The following ABCG5 variants were observed in gnomAD, a reference collection of about 807,000 sequenced individuals.
ABCG5 encodes the protein ATP-binding cassette sub-family G member 5.
ABCG5 carries 64 observed loss-of-function variants against 64.5 expected under a neutral mutation model. The ratio of observed to expected loss-of-function variants is 0.99; its 90% confidence interval spans 0.81 to 1.22. ABCG5 has a LOEUF of 1.22. Ranked by LOEUF, ABCG5 falls within the 50% of genes most tolerant of loss-of-function variation. ABCG5 has a pLI of 0.00. For synonymous variants in ABCG5, 385 were observed against 326.3 expected, an observed-to-expected ratio of 1.18 and a Z score of -1.94; for missense variants, 908 against 829.5, an observed-to-expected ratio of 1.09 and a Z score of -1.16.
chr2:43,837,410 T>C (rs1347004038), intron 2 of ABCG5, among the ~76,000 whole-genome samples: 2 of 152,192 alleles, frequency 1.3e-5, no homozygotes, highest in African/African-American at 4.8e-5. Flanking sequence ...CATAAGCCAC[T>C]GTGACCAGCC....
rs535520826 is a variant in ABCG5, at chr2:43,831,977, C to T, written c.372G>A (p.Gln124=). The T allele has an allele frequency of 6.4e-7, 1 of 1,552,286 alleles. No homozygotes were observed. The highest frequency in any genetic ancestry group is 2.4e-5 in the East Asian group (1 of 41,248). ...GGACGTAGGAGAAGCAGTCCTGGAA[C>T]TGCTCCCGGCGCAGCGCCCGGCCGT... The part of the protein sequence containing the change: ...YVNGRALRRE[Q]FQDCFSYVLQ... The change falls in exon 3 of 13, where the codon CAG becomes CAA. Residue 124 remains glutamine, a synonymous_variant. Coordinates refer to ENST00000405322, the MANE Select transcript of ABCG5 (RefSeq NM_022436.3).
At chr2:43,832,352 C>A (rs1320990961) in intron 2 of ABCG5, 4 of 576,128 alleles carry the variant, frequency 6.9e-6, no homozygotes, top group Non-Finnish European at 1.2e-5. Context: ...CAAGACCGAA[C>A]GTGCTTTCTC....
chr2:43,835,752 G>T (rs1305496977), intron 2 of ABCG5, among the ~76,000 whole-genome samples: 2 of 152,122 alleles, frequency 1.3e-5, no homozygotes, highest in Non-Finnish European at 2.9e-5. Flanking sequence ...GCCATGCAAG[G>T]TTAGGGTGAG....
chr2:43,831,686 G>T (rs747633865), intron 4 of ABCG5, 83 bp downstream of exon 4: 142 of 1,350,514 alleles, frequency 1.1e-4, no homozygotes, highest in Admixed American at 1.6e-4. Context: ...GGAAGGAATG[G>T]GCAAGCGTAG....
chr2:43,831,915 G>C (rs758463895), intron 3 of ABCG5, 32 bp downstream of exon 3: 22 of 1,543,288 alleles, frequency 1.4e-5, no homozygotes, highest in South Asian at 3.6e-5. Flanking sequence ...CGGGGCGGGC[G>C]GGGGGGCCAG....
Position 43,818,828 on chromosome 2 carries a change from G to A in ABCG5, c.1649+1087C>T, listed in dbSNP as rs149922170. 4.1e-3 allele frequency among the ~76,000 whole-genome samples: 631 copies of A among 152,116 alleles called. 5 individuals are homozygous for A. The highest frequency in any genetic ancestry group is 0.015 in the African/African-American group (609 of 41,504). ...ATGTGTTTTCATATTGATTATTTCC[G>A]TTCCTTCTCATGATCCCTTGAGGCA... On this transcript the variant is annotated intron_variant, in intron 11 of 12. Transcript: ENST00000405322.
rs57240390 is a variant in ABCG5 at position 43,822,479 on chromosome 2, C to CG, written c.1463+317_1463+318insC. On this transcript the variant is annotated intron_variant, in intron 10 of 12. Transcript: ENST00000405322. ...AGGCTGCTTTCTCCCCTCCCCCAGG[C>CG]CCCCCCCCATGCACCTGGGTCCTAG... 0.14 allele frequency: 94,978 copies of CG among 668,520 alleles called. 14,070 individuals carry two copies. The highest frequency in any genetic ancestry group is 0.43 in the African/African-American group (19,009 of 43,778). 41.4% of individuals were successfully genotyped at this position (668,520 alleles called of 1,614,324 possible).
Position 43,824,050 on chromosome 2 carries a change from A to T in ABCG5, c.1187T>A (p.Met396Lys). The T allele has an allele frequency of 6.2e-7, 1 of 1,614,214 alleles. No homozygotes were observed. The highest frequency in any genetic ancestry group is 8.5e-7 in the Non-Finnish European group (1 of 1,180,030). ...VITRLLQNLIMGLFLLFFVLR... is the reference protein window; with the variant it reads ...VITRLLQNLIKGLFLLFFVLR... ...AACGAAGAAAAGGAGGAACAAACCC[A>T]TGATCAGATTCTGAAGGAGACGCGT... The change falls in exon 9 of 13, where the codon ATG (methionine) becomes AAG (lysine). Residue 396 changes from methionine (M) to lysine (K), a missense_variant. Coordinates refer to ENST00000405322, the MANE Select transcript of ABCG5 (RefSeq NM_022436.3).
At chr2:43,823,672 C>T (rs772244055) in intron 9 of ABCG5, among the ~76,000 whole-genome samples, 2 of 152,162 alleles carry the variant, frequency 1.3e-5, no homozygotes, top group Non-Finnish European at 2.9e-5. Context: ...CTCTCCCCAC[C>T]AGTACATTGT....
intron 10 of ABCG5, 30 bp from the exon 11 acceptor site, chr2:43,820,130 C>T (rs745414803): frequency 6.2e-7 from 1 of 1,603,404 alleles, no homozygotes; most frequent in Non-Finnish European, 8.5e-7. Flanking sequence ...TTAGTTTCCT[C>T]TCCAAGGGCT....
Position 43,831,983 on chromosome 2 carries a change from C to T in ABCG5, c.366G>A (p.Arg122=). 1 of 1,553,400 alleles carries T rather than the reference C, an allele frequency of 6.4e-7. No homozygotes were observed. The highest frequency in any genetic ancestry group is 8.7e-7 in the Non-Finnish European group (1 of 1,148,410). ...AGGAGAAGCAGTCCTGGAACTGCTC[C>T]CGGCGCAGCGCCCGGCCGTTCACAT... ...EVYVNGRALR[R]EQFQDCFSYV... is the part of the protein sequence containing the mutation. Residue 122 remains arginine (R), a synonymous_variant, in exon 3 of 13, where the codon CGG becomes CGA. Coordinates refer to ENST00000405322, the MANE Select transcript of ABCG5 (RefSeq NM_022436.3).
chr2:43,824,531 T>A, intron 7 of ABCG5, 99 bp from the exon 8 acceptor site: 1 of 1,593,198 alleles, frequency 6.3e-7, no homozygotes, highest in Non-Finnish European at 8.5e-7. Flanking sequence ...TAATACCTCA[T>A]CCCATCAAGA....
At chr2:43,827,951 A>T in intron 5 of ABCG5, 32 bp downstream of exon 5, 1 of 1,613,168 alleles carries the variant, frequency 6.2e-7, no homozygotes, top group Non-Finnish European at 8.5e-7. Flanking sequence ...ATGCCCAGAC[A>T]GCAGCTAGTA....
downstream of ABCG5, chr2:43,810,059 A>G (rs764522814): frequency 2.3e-5 from 17 of 734,746 alleles, no homozygotes; most frequent in Non-Finnish European, 2.9e-5. Flanking sequence ...GTTTCTGCTT[A>G]TATGTTTTTA....
rs1414853512 is a variant in ABCG5 at position 43,832,001 on chromosome 2, G to A, written c.348C>T (p.Asn116=). ...ACTGCTCCCGGCGCAGCGCCCGGCC[G>A]TTCACATACACCTCCCCCAGGAAGG... is the stretch of plus-strand genomic sequence containing the variant. ...AGTFLGEVYV[N]GRALRREQFQ... Residue 116 remains asparagine (N), a synonymous_variant, in exon 3 of 13, where the codon AAC becomes AAT. Transcript: ENST00000405322. The A allele has an allele frequency of 1.9e-6, 3 of 1,560,690 alleles. No homozygotes were observed. The highest frequency in any genetic ancestry group is 2.4e-5 in the East Asian group (1 of 42,072).
rs536340107 is a variant in ABCG5 at position 43,812,764 on chromosome 2, A to G, written c.*352T>C. 1.2e-4 allele frequency: 29 copies of G among 248,372 alleles called. 1 individual carries two copies. The highest frequency in any genetic ancestry group is 1.5e-3 in the Middle Eastern group (1 of 658). 15.4% of individuals were successfully genotyped at this position (248,372 alleles called of 1,614,324 possible). A position where few individuals can be genotyped will look rare whatever the true frequency, so the allele number is the denominator to read the frequency against. On this transcript the variant is annotated 3_prime_UTR_variant, in exon 13 of 13. Transcript: ENST00000405322. ...TTATTTTTGCCTAATCCTTTATCCA[A>G]TGTAAACATATTTTTAAGCTGACCT...
At position 43,838,581 on chromosome 2, in the gene ABCG5, C is replaced by T. The variant is rs149907931; in HGVS notation, c.99G>A (p.Pro33=). 351 of 1,609,798 alleles carry T rather than the reference C, an allele frequency of 2.2e-4. 1 individual carries two copies. The highest frequency in any genetic ancestry group is 1.0e-3 in the African/African-American group (76 of 74,986). ...SSLEGAPATA[P]EPHSLGILHA... ...GGAGGATGCCCAGGCTGTGAGGCTC[C>T]GGGGCGGTGGCAGGAGCCCCCTCCA... The change falls in exon 1 of 13, where the codon CCG becomes CCA. Residue 33 remains proline, a synonymous_variant. Coordinates refer to ENST00000405322, the MANE Select transcript of ABCG5 (RefSeq NM_022436.3). The surrounding 1 kb of genome is among the most constrained non-coding windows in gnomAD (Gnocchi z 4.2).
In ABCG5 at chr2:43,824,934, A is replaced by G. The variant is rs141033260; in HGVS notation, c.859T>C (p.Cys287Arg). 1.1e-5 allele frequency: 18 copies of G among 1,614,098 alleles called. No individual in the cohort carries two copies. In the East Asian group the frequency reaches 3.8e-4, roughly 34 times the overall value. The part of the protein sequence containing the change: ...PAEMLDFFND[C>R]GYPCPEHSNP... ...GAATGTTCAGGACAAGGGTAACCGCAGTCATTGAAGAAATCAAGCATTTCC... is the reference window on the plus strand; with the variant it reads ...GAATGTTCAGGACAAGGGTAACCGCGGTCATTGAAGAAATCAAGCATTTCC... The change falls in exon 7 of 13, where the codon TGC becomes CGC. Residue 287 changes from cysteine (C) to arginine (R), a missense_variant. By Grantham distance (180) the Cys-to-Arg change is radical (BLOSUM62 -3). Transcript: ENST00000405322.
rs1201776866 is a variant in ABCG5 at position 43,838,235 on chromosome 2, C to A, written c.144-280G>T. The A allele has an allele frequency of 8.4e-6, 5 of 594,826 alleles. No homozygotes were observed. The East Asian group carries it at 8.6e-5, about 10-fold the overall frequency. 36.8% of individuals were successfully genotyped at this position (594,826 alleles called of 1,614,324 possible). A position where few individuals can be genotyped will look rare whatever the true frequency, so the allele number is the denominator to read the frequency against. ...CATTCTTTCACCAGGTTTCAAGACT[C>A]CTTGCATTCGCAGTACCCCCATTCC... On this transcript the variant is annotated intron_variant, in intron 1 of 12. Coordinates refer to ENST00000405322, the MANE Select transcript of ABCG5 (RefSeq NM_022436.3). This position sits in a 1 kb window ranked among gnomAD's most constrained non-coding sequence, Gnocchi z 4.2.
Sources: gnomAD v4.1 joint callset for allele counts (sites outside exome capture counted in the v4.1 genomes callset) on GRCh38, gnomAD v4.1.1 for gene constraint, Gnocchi (gnomAD v3.1) non-coding constraint, MANE v1.5 for transcripts, NCBI Gene and HGNC (gene_info 2026-07-23, HGNC 2026-07-21) for gene names.